The following NUDCD1 variants were observed in gnomAD, a reference collection of about 807,000 sequenced individuals.
NUDCD1 encodes NudC domain containing 1.
Under a neutral mutation model 67.8 loss-of-function variants are expected in NUDCD1, and 60 were observed. The ratio of observed to expected loss-of-function variants is 0.88; its 90% CI spans 0.72 to 1.10. The LOEUF is 1.10. Among genes scored for constraint, NUDCD1 ranks in the 50% least tolerant of loss-of-function variants. NUDCD1 has a pLI of 0.00. For synonymous variants in NUDCD1, 244 were observed against 230.8 expected, an observed-to-expected ratio of 1.06 and a Z score of -0.52; for missense variants, 643 against 695.0, an observed-to-expected ratio of 0.93 and a Z score of 0.84.
chr8:109,245,958 T>C (rs1813485447), intron 8 of NUDCD1, among the ~76,000 whole-genome samples: 1 of 152,130 alleles, frequency 6.6e-6, no homozygotes, highest in South Asian at 2.1e-4. Flanking sequence ...AGATCAGCAG[T>C]GGAATTAGAT....
At chr8:109,275,520 AATGTTAC>A in intron 6 of NUDCD1, 24 bp from the exon 7 acceptor site, 1 of 1,587,662 alleles carries the variant, frequency 6.3e-7, no homozygotes, top group East Asian at 2.2e-5. Context: ...TGGGAAAAGT[AATGTTAC>A]ATTAAGCAAT....
intron 8 of NUDCD1, among the ~76,000 whole-genome samples, chr8:109,262,724 G>A (rs542292082): frequency 4.6e-5 from 7 of 152,040 alleles, no homozygotes; most frequent in Non-Finnish European, 8.8e-5. Flanking sequence ...TTGCATAAAC[G>A]GATCTGCTTG....
At chr8:109,307,034 T>A (rs746168966) in intron 2 of NUDCD1, among the ~76,000 whole-genome samples, 2 of 152,190 alleles carry the variant, frequency 1.3e-5, no homozygotes, top group South Asian at 2.1e-4. Flanking sequence ...AAGACAGGAA[T>A]GTCAGGGCTC....
intron 5 of NUDCD1, among the ~76,000 whole-genome samples, chr8:109,287,424 G>T (rs891421490): frequency 6.6e-6 from 1 of 152,098 alleles, no homozygotes; most frequent in East Asian, 1.9e-4. Flanking sequence ...AAAACAATGT[G>T]GCACATATAC....
chr8:109,282,248 A>G (rs1423899779), intron 5 of NUDCD1, among the ~76,000 whole-genome samples: 5 of 152,158 alleles, frequency 3.3e-5, no homozygotes, highest in Admixed American at 2.0e-4. Context: ...GCCTGAGGCA[A>G]TAGAGAGTTC....
At chr8:109,305,415 A>T (rs2980630) in intron 2 of NUDCD1, among the ~76,000 whole-genome samples, 2 of 151,826 alleles carry the variant, frequency 1.3e-5, no homozygotes, top group Non-Finnish European at 2.9e-5. Flanking sequence ...TTCAGTGGAA[A>T]CTTCATACCC....
At chr8:109,269,945 T>TA (rs11347205) in intron 8 of NUDCD1, among the ~76,000 whole-genome samples, 2,344 of 128,324 alleles carry the variant, frequency 0.018, 28 homozygotes, top group African/African-American at 0.031. Context: ...GGTTCTAAAT[T>TA]AAAAAAAAAA....
Position 109,329,785 on chromosome 8 carries a change from C to A in NUDCD1, c.118+4108G>T, listed in dbSNP as rs1032849292. 1.2e-5 allele frequency: 19 copies of A among 1,546,206 alleles called. No homozygotes were observed. The African/African-American group carries it at 2.6e-4, about 21-fold the overall frequency. ...TCATAAAGCTGTTTAATTTGTGAGACAAATTTATGTCCTACTTACCAGGCA... is the reference window on the plus strand; with the variant it reads ...TCATAAAGCTGTTTAATTTGTGAGAAAAATTTATGTCCTACTTACCAGGCA... On this transcript the variant is annotated intron_variant, in intron 1 of 9. Coordinates refer to ENST00000239690, the MANE Select transcript of NUDCD1 (RefSeq NM_032869.4).
At chr8:109,323,887 A>G (rs1187312255) in intron 1 of NUDCD1, among the ~76,000 whole-genome samples, 1 of 152,178 alleles carries the variant, frequency 6.6e-6, no homozygotes, top group African/African-American at 2.4e-5. Flanking sequence ...TAGCAGAAAA[A>G]TAAAATTAGA....
chr8:109,284,763 GA>G lies in NUDCD1; in HGVS notation c.824-3592del, dbSNP rs200884458. Among the ~76,000 whole-genome samples the G allele has an allele frequency of 7.1e-3, 1,011 of 142,996 alleles. 10 individuals carry two copies. The highest frequency in any genetic ancestry group is 0.039 in the Middle Eastern group (11 of 284). The allele number at this position is 142,996 out of a possible 152,430, so 93.8% of individuals were successfully genotyped here. A position where few individuals can be genotyped will look rare whatever the true frequency, so the allele number is the denominator to read the frequency against. ...TCTAATATCACACCCAGAAGAACAA[GA>G]AAAAAAAACAAATTAACACCAAAGC... On this transcript the variant is annotated intron_variant, in intron 5 of 9. Coordinates refer to ENST00000239690, the MANE Select transcript of NUDCD1 (RefSeq NM_032869.4).
At chr8:109,292,391 T>C (rs562721309) in intron 4 of NUDCD1, among the ~76,000 whole-genome samples, 29 of 150,752 alleles carry the variant, frequency 1.9e-4, no homozygotes, top group Non-Finnish European at 3.7e-4. Context: ...AGGAGACTTA[T>C]TCAGTTTATT....
intron 8 of NUDCD1, among the ~76,000 whole-genome samples, chr8:109,249,958 A>G (rs946305086): frequency 2.7e-5 from 4 of 150,718 alleles, no homozygotes; most frequent in African/African-American, 4.9e-5. Flanking sequence ...CAATCCTCCA[A>G]CCCCAGCCTC....
chr8:109,319,828 CT>C, intron 2 of NUDCD1, among the ~76,000 whole-genome samples: 1 of 152,258 alleles, frequency 6.6e-6, no homozygotes, highest in Non-Finnish European at 1.5e-5. Flanking sequence ...CACCTAGGTT[CT>C]TTTCTATTTT....
chr8:109,269,589 C>T (rs1423595173), intron 8 of NUDCD1, among the ~76,000 whole-genome samples: 4 of 152,124 alleles, frequency 2.6e-5, no homozygotes, highest in Non-Finnish European at 5.9e-5. Flanking sequence ...AATACACTTT[C>T]CCCCAAATCT....
At chr8:109,332,472 G>A (rs923257124) in intron 1 of NUDCD1, among the ~76,000 whole-genome samples, 3 of 152,136 alleles carry the variant, frequency 2.0e-5, no homozygotes, top group Admixed American at 6.5e-5. Context: ...AAAGTCAAGA[G>A]GAGACCATGT....
At chr8:109,276,808 G>C (rs66582255) in intron 6 of NUDCD1, among the ~76,000 whole-genome samples, 1 of 151,826 alleles carries the variant, frequency 6.6e-6, no homozygotes, top group Non-Finnish European at 1.5e-5. Flanking sequence ...TACAGGCCAC[G>C]CCATCATGCC....
At chr8:109,252,179 T>C (rs1422985476) in intron 8 of NUDCD1, among the ~76,000 whole-genome samples, 2 of 152,006 alleles carry the variant, frequency 1.3e-5, no homozygotes, top group Non-Finnish European at 2.9e-5. Context: ...GGGATGTGGG[T>C]TGGGGAGTCA....
intron 2 of NUDCD1, among the ~76,000 whole-genome samples, chr8:109,314,694 C>T (rs965115292): frequency 1.3e-5 from 2 of 152,140 alleles, no homozygotes; most frequent in African/African-American, 4.8e-5. Context: ...CAGGCCTCTA[C>T]ACAGTATTTT....
intron 8 of NUDCD1, among the ~76,000 whole-genome samples, chr8:109,270,745 T>C (rs771279214): frequency 6.6e-6 from 1 of 152,024 alleles, no homozygotes; most frequent in Non-Finnish European, 1.5e-5. Flanking sequence ...GAAGTTATTA[T>C]ACATTACAGG....
Sources: allele counts gnomAD v4.1 joint callset (sites outside exome capture counted in the v4.1 genomes callset), GRCh38; gene constraint gnomAD v4.1.1; transcripts MANE v1.5; gene names NCBI Gene and HGNC (gene_info 2026-07-23, HGNC 2026-07-21).